Variants in PRAG1 observed in about 807,000 individuals in gnomAD.
PRAG1 encodes inactive tyrosine-protein kinase PRAG1.
In PRAG1, 110 loss-of-function variants were observed where a neutral mutation model predicts 95.6. The observed-to-expected ratio is 1.15, with a 90% confidence interval of 0.99 to 1.35. The LOEUF is 1.35. PRAG1 is among the 40% of genes most tolerant of loss of function. The pLI, the probability that PRAG1 is intolerant of heterozygous loss-of-function variation, is 0.00. For missense variants in PRAG1, 2,554 were observed against 1,864.7 expected, an observed-to-expected ratio of 1.37 and a Z score of -6.81; for synonymous variants, 1,052 against 819.4, an observed-to-expected ratio of 1.28 and a Z score of -4.85.
chr8:8,344,328 T>C (rs1441574749), intron 3 of PRAG1, among the ~76,000 whole-genome samples: 3 of 152,178 alleles, frequency 2.0e-5, no homozygotes, highest in African/African-American at 7.2e-5. Context: ...GGTAGCAATA[T>C]GAAGAAATAT....
At chr8:8,320,664 G>A (rs946044163) in intron 5 of PRAG1, among the ~76,000 whole-genome samples, 1 of 152,154 alleles carries the variant, frequency 6.6e-6, no homozygotes, top group African/African-American at 2.4e-5. Flanking sequence ...GAGAAGAAAG[G>A]CATCTCACAT....
At position 8,318,228 on chromosome 8, in the gene PRAG1, G is replaced by A. The variant is rs1354192629; in HGVS notation, c.4147C>T (p.Leu1383Phe). 4 of 1,614,080 alleles carry A rather than the reference G, an allele frequency of 2.5e-6. No homozygotes were observed. The highest frequency in any genetic ancestry group is 3.4e-6 in the Non-Finnish European group (4 of 1,180,040). Residue 1383 changes from leucine (L) to phenylalanine (F), a missense_variant, in exon 6 of 6, where the codon CTT (leucine) becomes TTT (phenylalanine). Coordinates refer to ENST00000615670, the MANE Select transcript of PRAG1 (RefSeq NM_001080826.3). This position sits in a 1 kb window ranked among gnomAD's most constrained non-coding sequence, Gnocchi z 4.2. ...GCAGACGCCAGGTACTGGCAGCAAA[G>A]CCAGTCCTCCAGCTCCACGCCCCGC... ...RRRGVELEDW[L>F]CCQYLASAEP...
At chr8:8,339,161 G>A (rs760694194) in intron 4 of PRAG1, among the ~76,000 whole-genome samples, 1 of 152,152 alleles carries the variant, frequency 6.6e-6, no homozygotes, top group East Asian at 1.9e-4. Flanking sequence ...CCCATCCTGA[G>A]GACAGAAGTA....
intron 3 of PRAG1, among the ~76,000 whole-genome samples, chr8:8,362,814 G>A (rs1792450084): frequency 6.6e-6 from 1 of 152,162 alleles, no homozygotes. Flanking sequence ...ACTGGCTGGA[G>A]CTGGACCTCA....
intron 3 of PRAG1, among the ~76,000 whole-genome samples, chr8:8,354,391 AAT>A (rs1799623527): frequency 6.6e-6 from 1 of 152,046 alleles, no homozygotes; most frequent in African/African-American, 2.4e-5. Context: ...AAAAAAAAAA[AAT>A]AATAATAAAG....
intron 4 of PRAG1, among the ~76,000 whole-genome samples, chr8:8,329,960 T>G (rs994806364): frequency 1.3e-5 from 2 of 152,178 alleles, no homozygotes; most frequent in African/African-American, 2.4e-5. Context: ...TGCAACCTGT[T>G]GAACACAGGA....
At chr8:8,365,137 T>C (rs1164105920) in intron 3 of PRAG1, among the ~76,000 whole-genome samples, 1 of 152,194 alleles carries the variant, frequency 6.6e-6, no homozygotes, top group Non-Finnish European at 1.5e-5. Flanking sequence ...AAAATGATGG[T>C]CTGTCTTTTC....
At chr8:8,375,384 A>T (rs1452870446) in intron 3 of PRAG1, among the ~76,000 whole-genome samples, 1 of 151,990 alleles carries the variant, frequency 6.6e-6, no homozygotes, top group Non-Finnish European at 1.5e-5. Flanking sequence ...TTGTATTTTT[A>T]GTAGAGACGG....
intron 3 of PRAG1, among the ~76,000 whole-genome samples, chr8:8,371,417 C>T (rs1206595245): frequency 6.6e-6 from 1 of 151,856 alleles, no homozygotes; most frequent in Non-Finnish European, 1.5e-5. Flanking sequence ...CCCGCCATCA[C>T]GCCTGGCTAA....
chr8:8,383,096 G>A (rs961410473), intron 1 of PRAG1, among the ~76,000 whole-genome samples: 14 of 152,142 alleles, frequency 9.2e-5, no homozygotes, highest in African/African-American at 3.1e-4. Flanking sequence ...ATAAGGATCT[G>A]CCTTAAGTTT....
Position 8,364,953 on chromosome 8 carries a change from A to G in PRAG1, c.2162+11294T>C, listed in dbSNP as rs368966912. On this transcript the variant is annotated intron_variant, in intron 3 of 5. Transcript: ENST00000615670. ...TCAAGGGTCTGGAAATTGTCTGTAC[A>G]GACAATTTCCTTGTTTCACGTCTTG... Among the ~76,000 whole-genome samples the G allele has an allele frequency of 1.9e-4, 29 of 152,318 alleles. No individual in the cohort carries two copies. In the East Asian group the frequency reaches 2.3e-3, roughly 12 times the overall value.
At chr8:8,335,287 C>G (rs1798951128) in intron 4 of PRAG1, among the ~76,000 whole-genome samples, 1 of 152,000 alleles carries the variant, frequency 6.6e-6, no homozygotes, top group Admixed American at 6.6e-5. Context: ...CATGCATCAG[C>G]AAGAGAGGGA....
chr8:8,339,576 G>T lies in PRAG1; in HGVS notation c.2222C>A (p.Ala741Glu). 6.2e-7 allele frequency: 1 copy of T among 1,614,182 alleles called. No individual in the cohort carries two copies. Among genetic ancestry groups the T allele is most frequent in the South Asian group, 1.1e-5 (1 of 91,082 alleles). The change falls in exon 4 of 6, where the codon GCA (alanine) becomes GAA (glutamate). Residue 741 changes from alanine to glutamate, a missense_variant. Physicochemically the swap from Ala to Glu is moderately radical, Grantham distance 107. Transcript: ENST00000615670. ...CCTGAAGGATGGGCTGAGGCTTTCT[G>T]CAGAGCCCTGGCTCACTTTTTCCAA... is the stretch of plus-strand genomic sequence containing the variant. ...SDLEKVSQGS[A>E]ESLSPSFRGV...
At chr8:8,331,531 C>A (rs1174803948) in intron 4 of PRAG1, among the ~76,000 whole-genome samples, 2 of 152,206 alleles carry the variant, frequency 1.3e-5, no homozygotes, top group East Asian at 1.9e-4. Flanking sequence ...CCCCTGAAAT[C>A]AAATAGCTCT....
At chr8:8,374,805 T>A in intron 3 of PRAG1, 1 of 496,050 alleles carries the variant, frequency 2.0e-6, no homozygotes, top group Non-Finnish European at 2.6e-6. Context: ...CCACGTTAGA[T>A]CACATCAGTG....
chr8:8,327,756 T>A lies in PRAG1; in HGVS notation c.3026A>T (p.Tyr1009Phe). ...PCCDSGDAIY[Y>F]CATCSEDPGS... ...GGGGTCCTCAGAGCAGGTGGCACAG[T>A]AATAAATGGCATCCCCCGAGTCACA... The change falls in exon 5 of 6, where the codon TAC becomes TTC. Residue 1009 changes from tyrosine to phenylalanine, a missense_variant. Tyr to Phe is a conservative substitution (Grantham distance 22). Coordinates refer to ENST00000615670, the MANE Select transcript of PRAG1 (RefSeq NM_001080826.3). The A allele has an allele frequency of 6.2e-7, 1 of 1,614,194 alleles. No homozygotes were observed. Among genetic ancestry groups the A allele is most frequent in the Non-Finnish European group, 8.5e-7 (1 of 1,180,040 alleles).
intron 3 of PRAG1, among the ~76,000 whole-genome samples, chr8:8,372,302 C>G (rs2979134): frequency 0.59 from 89,005 of 152,094 alleles, 28,161 homozygotes; most frequent in African/African-American, 0.82. Context: ...TTATAGGTGT[C>G]AGCCACCATG....
At chr8:8,345,765 A>G (rs1335442409) in intron 3 of PRAG1, among the ~76,000 whole-genome samples, 1 of 152,214 alleles carries the variant, frequency 6.6e-6, no homozygotes, top group Non-Finnish European at 1.5e-5. Flanking sequence ...ACTGCACTCC[A>G]GCCTGGGTGA....
At position 8,328,197 on chromosome 8, in the gene PRAG1, A is replaced by G; in HGVS notation, c.2585T>C (p.Phe862Ser). The part of the protein sequence containing the change: ...SETNVHDESH[F>S]SYSLSPGNRH... ...GTTCCCGGGGCTCAACGAATAGCTA[A>G]AGTGAGATTCGTCGTGGACGTTGGT... Residue 862 changes from phenylalanine (F) to serine (S), a missense_variant, in exon 5 of 6, where the codon TTT becomes TCT. Physicochemically the swap from Phe to Ser is radical, Grantham distance 155. Transcript: ENST00000615670. The G allele has an allele frequency of 6.2e-7, 1 of 1,614,200 alleles. No homozygotes were observed. Among genetic ancestry groups the G allele is most frequent in the Non-Finnish European group, 8.5e-7 (1 of 1,180,032 alleles).
Sources: gnomAD v4.1 joint callset for allele counts (sites outside exome capture counted in the v4.1 genomes callset) on GRCh38, gnomAD v4.1.1 for gene constraint, Gnocchi (gnomAD v3.1) non-coding constraint, MANE v1.5 for transcripts, NCBI Gene and HGNC (gene_info 2026-07-23, HGNC 2026-07-21) for gene names.